ANKRD45: variants seen among roughly 807,000 people sequenced by gnomAD.
ANKRD45 encodes ankyrin repeat domain-containing protein 45.
Under a neutral mutation model 28.1 loss-of-function variants are expected in ANKRD45, and 21 were observed. The ratio of observed to expected loss-of-function variants is 0.75; its 90% CI spans 0.53 to 1.08. The LOEUF is 1.08. Among genes scored for constraint, ANKRD45 ranks in the 50% least tolerant of loss-of-function variants. ANKRD45 has a pLI of 0.00. For missense variants in ANKRD45, 261 were observed against 308.7 expected (o/e 0.85, Z 1.16); for synonymous variants, 86 against 103.9 (o/e 0.83, Z 1.05).
At chr1:173,699,795 C>G in the ANKRD45 span, among the ~76,000 whole-genome samples, 1 of 152,030 alleles carries the variant, frequency 6.6e-6, no homozygotes, top group Non-Finnish European at 1.5e-5. Context: ...CCTCCTATTC[C>G]ACATAGTGTT....
intron 4 of ANKRD45, among the ~76,000 whole-genome samples, chr1:173,625,783 T>C (rs1233618673): frequency 1.3e-5 from 2 of 152,088 alleles, no homozygotes; most frequent in African/African-American, 4.8e-5. Flanking sequence ...TGTGTATGGA[T>C]ACATATGATT....
intron 3 of ANKRD45, 85 bp from the exon 4 acceptor site, chr1:173,627,244 A>C (rs1667979541): frequency 2.4e-6 from 2 of 826,206 alleles, no homozygotes; most frequent in African/African-American, 3.6e-5. Flanking sequence ...TCCACTGTCC[A>C]CCCCACCCCA....
chr1:173,706,448 C>T, the ANKRD45 span, among the ~76,000 whole-genome samples: 1 of 151,814 alleles, frequency 6.6e-6, no homozygotes, highest in South Asian at 2.1e-4. Context: ...AAGCAATTCT[C>T]CTGCCTCAGC....
At chr1:173,712,867 CA>C in the ANKRD45 span, among the ~76,000 whole-genome samples, 10 of 152,298 alleles carry the variant, frequency 6.6e-5, no homozygotes, top group East Asian at 1.5e-3. Context: ...CTTGTTAGAA[CA>C]CAGATTACTG....
At chr1:173,675,148 C>T in the ANKRD45 span, among the ~76,000 whole-genome samples, 29 of 151,676 alleles carry the variant, frequency 1.9e-4, no homozygotes, top group African/African-American at 6.8e-4. Flanking sequence ...GGCTTATGTA[C>T]GTAAATAGGT....
At chr1:173,634,827 T>C (rs1281622026) in intron 3 of ANKRD45, among the ~76,000 whole-genome samples, 1 of 151,888 alleles carries the variant, frequency 6.6e-6, no homozygotes, top group Non-Finnish European at 1.5e-5. Context: ...TTTTATCATA[T>C]ACCATGCCAC....
At chr1:173,645,386 C>A (rs1300090662) in intron 3 of ANKRD45, among the ~76,000 whole-genome samples, 1 of 152,160 alleles carries the variant, frequency 6.6e-6, no homozygotes, top group African/African-American at 2.4e-5. Context: ...AATAAAAACA[C>A]CTTAGCCTGG....
chr1:173,670,713 C>T (rs756176850), upstream of ANKRD45, among the ~76,000 whole-genome samples: 9 of 152,172 alleles, frequency 5.9e-5, no homozygotes, highest in South Asian at 2.1e-4. Flanking sequence ...AGGTGATAGG[C>T]AGTTGTTAAC....
intron 2 of ANKRD45, among the ~76,000 whole-genome samples, chr1:173,650,744 C>T (rs1024266353): frequency 1.3e-5 from 2 of 152,214 alleles, no homozygotes; most frequent in African/African-American, 4.8e-5. Flanking sequence ...TCTCCACATC[C>T]TCTCCAGTAC....
chr1:173,709,487 C>T, the ANKRD45 span, among the ~76,000 whole-genome samples: 9 of 152,102 alleles, frequency 5.9e-5, no homozygotes, highest in Non-Finnish European at 1.3e-4. Context: ...ATTTGTTAGT[C>T]ACTAGGTTCA....
chr1:173,625,017 T>G, intron 4 of ANKRD45, 92 bp from the exon 5 acceptor site: 1 of 1,309,812 alleles, frequency 7.6e-7, no homozygotes, highest in Non-Finnish European at 1.1e-6. Context: ...AACTGAACTT[T>G]CTGTGATGAT....
chr1:173,659,533 A>G, intron 1 of ANKRD45, 100 bp from the exon 2 acceptor site: 4 of 1,023,860 alleles, frequency 3.9e-6, no homozygotes, highest in Non-Finnish European at 5.4e-6. Context: ...ATGGTATAAA[A>G]ATACTTAACT....
chr1:173,623,507 G>A (rs1413374336), intron 5 of ANKRD45, among the ~76,000 whole-genome samples: 1 of 152,108 alleles, frequency 6.6e-6, no homozygotes, highest in Non-Finnish European at 1.5e-5. Context: ...ATACACTGTT[G>A]GTAGGAATGT....
rs1333647479 is a variant in ANKRD45, at chr1:173,618,594, A to G, written c.730+6193T>C. Reference sequence around the variant, plus strand: ...GGAAGACAAGAATACAGAAAAAAAGAATGAAAAGGAATGAACAAAACCTCT... The same window carrying G: ...GGAAGACAAGAATACAGAAAAAAAGGATGAAAAGGAATGAACAAAACCTCT... On this transcript the variant is annotated intron_variant, in intron 5 of 5. Coordinates refer to ENST00000333279, the MANE Select transcript of ANKRD45 (RefSeq NM_198493.3). 2.6e-5 allele frequency among the ~76,000 whole-genome samples: 4 copies of G among 152,254 alleles called. No homozygotes were observed. In the South Asian group the frequency reaches 8.3e-4, roughly 32 times the overall value.
At chr1:173,684,585 T>C in the ANKRD45 span, among the ~76,000 whole-genome samples, 1 of 152,206 alleles carries the variant, frequency 6.6e-6, no homozygotes, top group South Asian at 2.1e-4. Flanking sequence ...ACCACTTTTC[T>C]AGCCATTCTG....
chr1:173,618,052 G>C (rs10912653), intron 5 of ANKRD45, among the ~76,000 whole-genome samples: 1 of 152,074 alleles, frequency 6.6e-6, no homozygotes. Flanking sequence ...CTACAGAAAA[G>C]TGGCCTGACT....
At chr1:173,707,299 T>G in the ANKRD45 span, among the ~76,000 whole-genome samples, 1 of 152,058 alleles carries the variant, frequency 6.6e-6, no homozygotes, top group Non-Finnish European at 1.5e-5. Context: ...TCAATCTTTT[T>G]GCTTCTAGAT....
At chr1:173,637,877 T>G (rs972967024) in intron 3 of ANKRD45, among the ~76,000 whole-genome samples, 4 of 152,272 alleles carry the variant, frequency 2.6e-5, no homozygotes, top group African/African-American at 9.6e-5. Context: ...TCTTTGGTCC[T>G]CTCTCATGGG....
chr1:173,648,341 T>C (rs1057135835), intron 2 of ANKRD45, among the ~76,000 whole-genome samples: 2 of 152,186 alleles, frequency 1.3e-5, no homozygotes, highest in Non-Finnish European at 2.9e-5. Context: ...CCCAAAGTGC[T>C]AGGATTACAG....
Sources: gnomAD v4.1 joint callset for allele counts (sites outside exome capture counted in the v4.1 genomes callset) on GRCh38, gnomAD v4.1.1 for gene constraint, MANE v1.5 for transcripts, NCBI Gene and HGNC (gene_info 2026-07-23, HGNC 2026-07-21) for gene names.